The following CDK14 variants were observed in gnomAD, a reference collection of about 807,000 sequenced individuals.
The protein encoded by CDK14 is cyclin dependent kinase 14, also known as cyclin-dependent kinase 14.
In CDK14, 34 loss-of-function variants were observed where a neutral mutation model predicts 60.7. The observed-to-expected ratio is 0.56, with a 90% CI of 0.43 to 0.75. CDK14 has a LOEUF of 0.75. Among genes scored for constraint, CDK14 ranks in the 30% least tolerant of loss-of-function variants. The pLI is 0.00. For synonymous variants in CDK14, 197 were observed against 203.7 expected (o/e 0.97, Z 0.28); for missense variants, 482 against 564.1 (o/e 0.85, Z 1.47).
intron 12 of CDK14, among the ~76,000 whole-genome samples, chr7:91,081,672 G>C (rs917542037): frequency 6.6e-6 from 1 of 152,074 alleles, no homozygotes; most frequent in Non-Finnish European, 1.5e-5. Context: ...AAAAGACCCA[G>C]TTTATTTTGG....
At chr7:90,861,839 C>G (rs1791020083) in intron 5 of CDK14, among the ~76,000 whole-genome samples, 1 of 152,082 alleles carries the variant, frequency 6.6e-6, no homozygotes, top group Admixed American at 6.6e-5. Flanking sequence ...AATAAAGTAG[C>G]CCACATCTAC....
chr7:90,914,706 C>T (rs1337932902), intron 7 of CDK14, among the ~76,000 whole-genome samples: 3 of 152,158 alleles, frequency 2.0e-5, no homozygotes, highest in African/African-American at 7.2e-5. Flanking sequence ...TGAATAGCTT[C>T]TACGTTAGCG....
intron 14 of CDK14, among the ~76,000 whole-genome samples, chr7:91,195,263 A>G (rs1020818407): frequency 6.6e-6 from 1 of 152,224 alleles, no homozygotes; most frequent in African/African-American, 2.4e-5. Context: ...AAAAGATTTG[A>G]TAGTATTTCG....
At chr7:90,899,991 C>T (rs74912303) in intron 7 of CDK14, among the ~76,000 whole-genome samples, 2 of 152,192 alleles carry the variant, frequency 1.3e-5, no homozygotes, top group African/African-American at 2.4e-5. Context: ...TTGTGTAACT[C>T]AAATGACTAC....
At chr7:90,677,732 A>G (rs965329704) in intron 2 of CDK14, among the ~76,000 whole-genome samples, 2 of 152,074 alleles carry the variant, frequency 1.3e-5, no homozygotes, top group Non-Finnish European at 2.9e-5. Context: ...TCTTCTCTGA[A>G]GTTGATGTTT....
chr7:90,890,407 T>A (rs1161860379), intron 6 of CDK14, among the ~76,000 whole-genome samples: 2 of 152,074 alleles, frequency 1.3e-5, no homozygotes, highest in African/African-American at 2.4e-5. Context: ...GGTAGGTAGG[T>A]AGACAGATAG....
chr7:91,067,957 T>C (rs1798027053), intron 11 of CDK14, among the ~76,000 whole-genome samples: 1 of 152,260 alleles, frequency 6.6e-6, no homozygotes, highest in Non-Finnish European at 1.5e-5. Flanking sequence ...TTGCGGATAG[T>C]ACAAAGTTAA....
chr7:91,121,602 T>C (rs1428151496), intron 14 of CDK14, among the ~76,000 whole-genome samples: 1 of 152,196 alleles, frequency 6.6e-6, no homozygotes, highest in Non-Finnish European at 1.5e-5. Context: ...TGCATTTGGC[T>C]TTGCAGCAGA....
chr7:90,892,553 G>A (rs905887088), intron 6 of CDK14, among the ~76,000 whole-genome samples: 1 of 152,002 alleles, frequency 6.6e-6, no homozygotes, highest in African/African-American at 2.4e-5. Flanking sequence ...TTTTTCTCTT[G>A]CTTTTTATAT....
At chr7:91,058,379 C>G (rs894543874) in intron 11 of CDK14, among the ~76,000 whole-genome samples, 4 of 152,116 alleles carry the variant, frequency 2.6e-5, no homozygotes, top group African/African-American at 7.2e-5. Flanking sequence ...TCCTCTTTTC[C>G]TAATTGAATA....
chr7:91,012,398 G>A (rs575549091), intron 10 of CDK14, among the ~76,000 whole-genome samples: 1 of 152,228 alleles, frequency 6.6e-6, no homozygotes, highest in African/African-American at 2.4e-5. Flanking sequence ...GGGACTTTCT[G>A]CAGATCTTCA....
At chr7:91,133,365 G>A (rs1466361623) in intron 14 of CDK14, among the ~76,000 whole-genome samples, 1 of 152,028 alleles carries the variant, frequency 6.6e-6, no homozygotes, top group Non-Finnish European at 1.5e-5. Flanking sequence ...TTAATGGTTA[G>A]TAACTAAAAT....
At chr7:90,835,810 G>A (rs1041804293) in intron 5 of CDK14, among the ~76,000 whole-genome samples, 1 of 152,152 alleles carries the variant, frequency 6.6e-6, no homozygotes, top group Non-Finnish European at 1.5e-5. Context: ...ATCATAGAGT[G>A]CTAATATAAA....
chr7:91,077,098 A>G (rs1369190520), intron 11 of CDK14, among the ~76,000 whole-genome samples: 1 of 152,234 alleles, frequency 6.6e-6, no homozygotes, highest in Non-Finnish European at 1.5e-5. Flanking sequence ...TGATTCCTCA[A>G]GGATCTAGAA....
intron 2 of CDK14, among the ~76,000 whole-genome samples, chr7:90,699,013 T>C (rs4727238): frequency 0.91 from 139,033 of 152,322 alleles, 63,572 homozygotes; most frequent in East Asian, 1. Flanking sequence ...ATAGCTCCTT[T>C]CACCTTTAGT....
At chr7:91,182,400 C>T (rs1196293363) in intron 14 of CDK14, among the ~76,000 whole-genome samples, 1 of 151,690 alleles carries the variant, frequency 6.6e-6, no homozygotes, top group Non-Finnish European at 1.5e-5. Flanking sequence ...TTGCCTTTTA[C>T]ATTTTTTTGT....
intron 5 of CDK14, among the ~76,000 whole-genome samples, chr7:90,826,653 T>G (rs998796877): frequency 2.0e-5 from 3 of 152,166 alleles, no homozygotes. Context: ...TTAAAAAATT[T>G]TTTAAATTAT....
intron 5 of CDK14, among the ~76,000 whole-genome samples, chr7:90,799,280 A>G (rs956622674): frequency 2.0e-5 from 3 of 152,206 alleles, no homozygotes; most frequent in Non-Finnish European, 4.4e-5. Flanking sequence ...GTCTCACTTA[A>G]CACTCACAAA....
chr7:91,207,849 T>C lies in CDK14; in HGVS notation c.*713T>C, dbSNP rs193211295. ...AATAGGTTGGAATTGAAAAAACAAT[T>C]ATCAAACGTTAAGAACAAAGACAGG... On this transcript the variant is annotated 3_prime_UTR_variant, in exon 15 of 15. Coordinates refer to ENST00000380050, the MANE Select transcript of CDK14 (RefSeq NM_001287135.2). The C allele has an allele frequency of 6.5e-5, 10 of 152,796 alleles. No homozygotes were observed. The East Asian group carries it at 1.7e-3, about 27-fold the overall frequency. 9.5% of individuals were successfully genotyped at this position (152,796 alleles called of 1,614,324 possible).
Sources: gnomAD v4.1 joint callset for allele counts (sites outside exome capture counted in the v4.1 genomes callset) on GRCh38, gnomAD v4.1.1 for gene constraint, MANE v1.5 for transcripts, NCBI Gene and HGNC (gene_info 2026-07-23, HGNC 2026-07-21) for gene names.